Variants in PARVB observed in about 807,000 individuals in gnomAD.
PARVB encodes the protein beta-parvin.
Under a neutral mutation model 47.0 loss-of-function variants are expected in PARVB, and 46 were observed. The observed-to-expected ratio is 0.98, with a 90% CI of 0.77 to 1.25. The LOEUF (loss-of-function observed/expected upper bound fraction) is 1.25, where lower values mean the gene tolerates loss of function less well. PARVB is among the 50% of genes most tolerant of loss of function. The probability of loss-of-function intolerance (pLI) is 0.00; values close to 1 mark genes in which losing one functional copy is unlikely to be tolerated. For synonymous variants in PARVB, 196 were observed against 196.3 expected (o/e 1.00, Z 0.01); for missense variants, 473 against 471.6 (o/e 1.00, Z -0.03).
chr22:44,120,472 A>G (rs536808862), intron 4 of PARVB, among the ~76,000 whole-genome samples: 28 of 151,992 alleles, frequency 1.8e-4, no homozygotes, highest in African/African-American at 6.3e-4. Flanking sequence ...TCTCCTCACG[A>G]TGAGATCTGG....
intron 1 of PARVB, among the ~76,000 whole-genome samples, chr22:44,032,179 C>T (rs2146895565): frequency 6.6e-6 from 1 of 152,296 alleles, no homozygotes; most frequent in East Asian, 1.9e-4. Context: ...GGCTTTGCAA[C>T]TTTGAGATAC....
At chr22:44,147,535 C>T (rs967742154) in intron 8 of PARVB, 12 of 428,152 alleles carry the variant, frequency 2.8e-5, no homozygotes, top group African/African-American at 2.2e-4. Flanking sequence ...CAGGACGCCT[C>T]AAGTCCTAGG....
At chr22:44,048,545 T>C (rs947509563) in intron 1 of PARVB, among the ~76,000 whole-genome samples, 1 of 151,912 alleles carries the variant, frequency 6.6e-6, no homozygotes, top group South Asian at 2.1e-4. Context: ...ATAATTTTTA[T>C]ATTTTTTAAT....
chr22:44,160,885 C>T (rs2054035992), intron 11 of PARVB, among the ~76,000 whole-genome samples: 1 of 152,172 alleles, frequency 6.6e-6, no homozygotes, highest in Admixed American at 6.5e-5. Flanking sequence ...TGAGTGTCTC[C>T]ACGTGTCATG....
At chr22:44,080,714 C>T (rs557018196) in intron 1 of PARVB, among the ~76,000 whole-genome samples, 1 of 152,290 alleles carries the variant, frequency 6.6e-6, no homozygotes, top group East Asian at 1.9e-4. Flanking sequence ...GTAGAAAGTA[C>T]ATCCTTTGAG....
chr22:44,035,517 T>C (rs1601507175), intron 1 of PARVB, among the ~76,000 whole-genome samples: 1 of 152,046 alleles, frequency 6.6e-6, no homozygotes, highest in Non-Finnish European at 1.5e-5. Flanking sequence ...ATTACAGGCA[T>C]GTGCCACCGT....
chr22:44,027,913 C>CA (rs1491534870), intron 1 of PARVB, among the ~76,000 whole-genome samples: 1 of 62,352 alleles, frequency 1.6e-5, no homozygotes, highest in East Asian at 8.9e-4. Context: ...GAAAAAAAAA[C>CA]CATATATATA....
intron 1 of PARVB, chr22:44,081,667 T>C: frequency 1.0e-6 from 1 of 976,410 alleles, no homozygotes; most frequent in Non-Finnish European, 1.2e-6. Context: ...GGCTCGTCTG[T>C]TGCTGGAAGT....
In PARVB at chr22:44,163,903, C is replaced by T. The variant is rs201082098; in HGVS notation, c.991C>T (p.Leu331Phe). ...FAFELMLDGG[L>F]KKPKARPEDV... ...CTTTGAGCTGATGCTGGACGGAGGC[C>T]TCAAGAAACCCAAGGCTCGTCCTGA... Residue 331 changes from leucine (L) to phenylalanine (F), a missense_variant, in exon 12 of 13, where the codon CTC (leucine) becomes TTC (phenylalanine). Coordinates refer to ENST00000338758, the MANE Select transcript of PARVB (RefSeq NM_013327.5). 7.2e-5 allele frequency: 116 copies of T among 1,610,944 alleles called. No individual in the cohort carries two copies. The highest frequency in any genetic ancestry group is 8.1e-5 in the Non-Finnish European group (95 of 1,178,698).
intron 1 of PARVB, chr22:44,069,255 G>A: frequency 8.6e-7 from 1 of 1,163,726 alleles, no homozygotes. Flanking sequence ...ATTTTGTTTT[G>A]CAAGAATGGA....
Position 44,163,840 on chromosome 22 carries a change from A to AC in PARVB, c.946-12dup, listed in dbSNP as rs911721835. 6.9e-6 allele frequency: 11 copies of AC among 1,594,430 alleles called. No homozygotes were observed. Among genetic ancestry groups the AC allele is most frequent in the African/African-American group, 6.8e-5 (5 of 73,682 alleles). On this transcript the variant is annotated splice_polypyrimidine_tract_variant and intron_variant, in intron 11 of 12. Coordinates refer to ENST00000338758, the MANE Select transcript of PARVB (RefSeq NM_013327.5). ...GACTGTTGGACCCTAACGCTGACCC[A>AC]CCCCCCTTCCTTGGCAGGTCCACAA...
chr22:44,121,557 T>TA (rs142442625), intron 4 of PARVB, among the ~76,000 whole-genome samples: 44,287 of 136,508 alleles, frequency 0.32, 6,643 homozygotes, highest in Middle Eastern at 0.49. Context: ...GTGTCCTTTT[T>TA]TAAAAAAAAA....
At chr22:44,166,916 C>T (rs571509839) in intron 12 of PARVB, among the ~76,000 whole-genome samples, 1 of 152,328 alleles carries the variant, frequency 6.6e-6, no homozygotes, top group African/African-American at 2.4e-5. Context: ...CTCCCTGACA[C>T]CCTCCTCTGA....
Position 44,049,798 on chromosome 22 carries a change from G to C in PARVB, c.112+25347G>C, listed in dbSNP as rs146098260. ...CCTCTGCCCGGGAACGGGCCATTTG[G>C]GGGCTCAGCCATCTGGCACATGGAG... On this transcript the variant is annotated intron_variant, in intron 1 of 12. Transcript: ENST00000338758. This position sits in a 1 kb window ranked among gnomAD's most constrained non-coding sequence, Gnocchi z 4.0. 6.6e-6 allele frequency among the ~76,000 whole-genome samples: 1 copy of C among 152,350 alleles called. No homozygotes were observed. The highest frequency in any genetic ancestry group is 1.9e-4 in the East Asian group (1 of 5,186).
chr22:44,039,793 A>C lies in PARVB; in HGVS notation c.112+15342A>C, dbSNP rs183753452. The C allele has an allele frequency of 1.3e-5, 6 of 451,436 alleles. No individual in the cohort carries two copies. The East Asian group carries it at 2.1e-4, about 16-fold the overall frequency. The allele number at this position is 451,436 out of a possible 1,614,324, so 28.0% of individuals were successfully genotyped here. The stretch of plus-strand genomic sequence containing the variant: ...TGAGCAAACCAAGACAGACCAAAAG[A>C]GTACACACTGTGTGATTTCATTTCA... On this transcript the variant is annotated intron_variant, in intron 1 of 12. Coordinates refer to ENST00000338758, the MANE Select transcript of PARVB (RefSeq NM_013327.5).
Position 44,004,464 on chromosome 22 carries a change from C to G in PARVB, c.211+4791C>G, listed in dbSNP as rs551454978. 1.3e-3 allele frequency among the ~76,000 whole-genome samples: 199 copies of G among 152,232 alleles called. 2 individuals are homozygous for G. The highest frequency in any genetic ancestry group is 2.8e-4 in the Non-Finnish European group (19 of 68,014). ...TGTCTTCTCTCTGTGGACAGTGGAC[C>G]TTATCTATACTCCCCAACTCCACAT... On this transcript the variant is annotated intron_variant, in intron 2 of 13. Coordinates refer to the PARVB transcript ENST00000406477.
At chr22:44,117,918 G>C (rs548395180) in intron 3 of PARVB, among the ~76,000 whole-genome samples, 15 of 152,342 alleles carry the variant, frequency 9.8e-5, no homozygotes, top group African/African-American at 3.6e-4. Context: ...CATGTCAGAA[G>C]CAGGATTGGC....
Position 44,157,121 on chromosome 22 carries a change from T to A in PARVB, c.844-861T>A, listed in dbSNP as rs374713180. Among the ~76,000 whole-genome samples the A allele has an allele frequency of 2.2e-4, 34 of 152,322 alleles. No individual in the cohort carries two copies. The South Asian group carries it at 6.6e-3, about 30-fold the overall frequency. On this transcript the variant is annotated intron_variant, in intron 10 of 12. Transcript: ENST00000338758. ...AGCTGCATGTGGCCATTGGCTACCA[T>A]GTTGAATAGCAGCTCCAGAGGCCCC...
intron 1 of PARVB, chr22:44,031,223 C>CTGATGTTCTGACTA (rs2050821140): frequency 6.6e-6 from 1 of 152,212 alleles, no homozygotes; most frequent in Non-Finnish European, 1.5e-5. Flanking sequence ...AAACGCTCCT[C>CTGATGTTCTGACTA]AGGGTGGTGA....
Sources: gnomAD v4.1 joint callset for allele counts (sites outside exome capture counted in the v4.1 genomes callset) on GRCh38, gnomAD v4.1.1 for gene constraint, Gnocchi (gnomAD v3.1) non-coding constraint, MANE v1.5 for transcripts, NCBI Gene and HGNC (gene_info 2026-07-23, HGNC 2026-07-21) for gene names.